The following TF variants were observed in gnomAD, a reference collection of about 807,000 sequenced individuals.
TF encodes the protein serotransferrin.
Under a neutral mutation model 82.4 loss-of-function variants are expected in TF, and 55 were observed. The observed-to-expected ratio is 0.67, with a 90% CI of 0.54 to 0.84. The LOEUF (loss-of-function observed/expected upper bound fraction) is 0.84. Among genes scored for constraint, TF ranks in the 40% least tolerant of loss-of-function variants. The probability of loss-of-function intolerance (pLI) is 0.00; values close to 1 mark genes in which losing one functional copy is unlikely to be tolerated. For missense variants in TF, 737 were observed against 868.4 expected, an observed-to-expected ratio of 0.85 and a Z score of 1.90; for synonymous variants, 332 against 332.6, an observed-to-expected ratio of 1.00 and a Z score of 0.02.
At chr3:133,664,879 T>C in the TF span, 2 of 151,968 alleles carry the variant, frequency 1.3e-5, no homozygotes, top group African/African-American at 2.4e-5. Context: ...AAGACTTTGG[T>C]GAAAACAGGG....
At position 133,779,325 on chromosome 3, in the gene TF, A is replaced by C. The variant is rs1934468360; in HGVS notation, c.*705A>C. On this transcript the variant is annotated 3_prime_UTR_variant, in exon 17 of 17. Coordinates refer to ENST00000402696, the MANE Select transcript of TF (RefSeq NM_001063.4). ...GGAGGCTGACTTTTCTGTCTCACTT[A>C]TTATTGGCTGAACATACAGAATTTG... 6.6e-6 allele frequency: 1 copy of C among 152,352 alleles called. No individual in the cohort carries two copies. The highest frequency in any genetic ancestry group is 2.1e-4 in the South Asian group (1 of 4,828). The allele number at this position is 152,352 out of a possible 1,614,324, so 9.4% of individuals were successfully genotyped here.
At chr3:133,724,977 GTTAT>G in the TF span, among the ~76,000 whole-genome samples, 1 of 151,894 alleles carries the variant, frequency 6.6e-6, no homozygotes, top group Non-Finnish European at 1.5e-5. Flanking sequence ...GATATGTGGC[GTTAT>G]TTCTGAGGGC....
At chr3:133,746,768 C>T (rs548730335) in intron 1 of TF, among the ~76,000 whole-genome samples, 1 of 152,352 alleles carries the variant, frequency 6.6e-6, no homozygotes, top group South Asian at 2.1e-4. Flanking sequence ...TATCAAAACC[C>T]TTTGCTGCTG....
Position 133,756,717 on chromosome 3 carries a change from G to A in TF, c.692-114G>A, listed in dbSNP as rs41295766. On this transcript the variant is annotated intron_variant, in intron 6 of 16. Transcript: ENST00000402696. ...TCTCCCGCATGTTCTCTGGCCTTCA[G>A]TGCTCACTCCAGACCTCTCAGCTCA... 548 of 1,344,060 alleles carry A rather than the reference G, an allele frequency of 4.1e-4. 4 individuals are homozygous for A. In the African/African-American group the frequency reaches 7.2e-3, roughly 18 times the overall value. The allele number at this position is 1,344,060 out of a possible 1,614,324, so 83.3% of individuals were successfully genotyped here.
chr3:133,790,377 A>G lies in TF; in HGVS notation c.*11757A>G, dbSNP rs1375489744. On this transcript the variant is annotated 3_prime_UTR_variant, in exon 17 of 17. Transcript: ENST00000402696. ...CTAGTTAACACATAATTCTGTATAC[A>G]AAACATGCCAGAAAGTTTGTGTTAT... 1 of 152,252 alleles carries G rather than the reference A, an allele frequency of 6.6e-6. No individual in the cohort carries two copies. Among genetic ancestry groups the G allele is most frequent in the Non-Finnish European group, 1.5e-5 (1 of 68,042 alleles). The allele number at this position is 152,252 out of a possible 1,614,324, so 9.4% of individuals were successfully genotyped here.
At chr3:133,716,751 G>A in the TF span, among the ~76,000 whole-genome samples, 1 of 152,198 alleles carries the variant, frequency 6.6e-6, no homozygotes, top group African/African-American at 2.4e-5. Flanking sequence ...ATCACTCGGA[G>A]TAAAAGTTAA....
chr3:133,727,869 G>A, the TF span, among the ~76,000 whole-genome samples: 2 of 147,838 alleles, frequency 1.4e-5, no homozygotes, highest in African/African-American at 5.0e-5. Flanking sequence ...AAATCTCTCA[G>A]CATTTGCTTG....
chr3:133,680,933 G>A, the TF span, among the ~76,000 whole-genome samples: 3 of 152,188 alleles, frequency 2.0e-5, no homozygotes, highest in Admixed American at 1.3e-4. Context: ...GATAATAACT[G>A]TGAAAATTAG....
the TF span, among the ~76,000 whole-genome samples, chr3:133,687,781 A>G: frequency 6.6e-6 from 1 of 152,214 alleles, no homozygotes; most frequent in Non-Finnish European, 1.5e-5. Context: ...TCATGACGGA[A>G]TAATATTCCA....
At chr3:133,676,798 C>G in the TF span, among the ~76,000 whole-genome samples, 4 of 152,234 alleles carry the variant, frequency 2.6e-5, no homozygotes, top group Non-Finnish European at 5.9e-5. Flanking sequence ...GCTATTCTTC[C>G]TCTGTCTCTC....
intron 4 of TF, 99 bp downstream of exon 4, chr3:133,754,770 T>A: frequency 7.6e-7 from 1 of 1,309,632 alleles, no homozygotes; most frequent in Non-Finnish European, 1.1e-6. Context: ...ACATGTGGGA[T>A]GAACTCAGGT....
At chr3:133,732,673 C>T in the TF span, among the ~76,000 whole-genome samples, 1 of 152,188 alleles carries the variant, frequency 6.6e-6, no homozygotes, top group African/African-American at 2.4e-5. Flanking sequence ...AGACCACCAG[C>T]ACACCAGAAG....
chr3:133,732,534 C>T, the TF span, among the ~76,000 whole-genome samples: 70 of 152,330 alleles, frequency 4.6e-4, no homozygotes, highest in African/African-American at 1.7e-3. Context: ...TTCCTTTTCA[C>T]AGTGTGGAAG....
In TF at chr3:133,755,429, G is replaced by C; in HGVS notation, c.569G>C (p.Cys190Ser). The stretch of plus-strand genomic sequence containing the variant: ...GATGGGACGGACTTCCCCCAGCTGT[G>C]TCAACTGTGTCCAGGGTGTGGCTGC... ...CADGTDFPQL[C>S]QLCPGCGCST... The change falls in exon 5 of 17, where the codon TGT becomes TCT. Residue 190 changes from cysteine (C) to serine (S), a missense_variant. Coordinates refer to ENST00000402696, the MANE Select transcript of TF (RefSeq NM_001063.4). The C allele has an allele frequency of 6.2e-7, 1 of 1,614,230 alleles. No individual in the cohort carries two copies. Among genetic ancestry groups the C allele is most frequent in the Non-Finnish European group, 8.5e-7 (1 of 1,180,048 alleles).
At chr3:133,751,909 G>A (rs1576356116) in intron 2 of TF, among the ~76,000 whole-genome samples, 1 of 152,078 alleles carries the variant, frequency 6.6e-6, no homozygotes, top group East Asian at 2.0e-4. Flanking sequence ...CAGGAGAATC[G>A]TTTGAACCCT....
the TF span, among the ~76,000 whole-genome samples, chr3:133,685,319 C>T: frequency 1.3e-5 from 2 of 152,150 alleles, no homozygotes; most frequent in Non-Finnish European, 2.9e-5. Flanking sequence ...TCTCACCACT[C>T]CTATTCAACA....
At chr3:133,678,780 G>T in the TF span, among the ~76,000 whole-genome samples, 1 of 152,100 alleles carries the variant, frequency 6.6e-6, no homozygotes, top group Non-Finnish European at 1.5e-5. Flanking sequence ...AGATGGATAG[G>T]TTGCAAAAAT....
chr3:133,765,897 A>T (rs139973350), intron 11 of TF, among the ~76,000 whole-genome samples: 499 of 152,266 alleles, frequency 3.3e-3, no homozygotes, highest in Admixed American at 5.3e-3. Context: ...TTGATCTTTT[A>T]CTACTATATC....
intron 2 of TF, among the ~76,000 whole-genome samples, chr3:133,752,140 T>C (rs1361501743): frequency 1.3e-5 from 2 of 150,136 alleles, no homozygotes; most frequent in Non-Finnish European, 3.0e-5. Flanking sequence ...TCACCTAGGC[T>C]AGAGTGCAGT....
Sources: allele counts gnomAD v4.1 joint callset (sites outside exome capture counted in the v4.1 genomes callset), GRCh38; gene constraint gnomAD v4.1.1; transcripts MANE v1.5; gene names NCBI Gene and HGNC (gene_info 2026-07-23, HGNC 2026-07-21).